ILDR2: variants seen among roughly 807,000 people sequenced by gnomAD.
The protein encoded by ILDR2 is immunoglobulin-like domain-containing receptor 2.
Under a neutral mutation model 66.8 loss-of-function variants are expected in ILDR2, and 25 were observed. The ratio of observed to expected loss-of-function variants is 0.37; its 90% CI spans 0.27 to 0.52. ILDR2 has a LOEUF of 0.52. Among genes scored for constraint, ILDR2 ranks in the 20% least tolerant of loss-of-function variants. ILDR2 has a pLI of 0.88. For missense variants in ILDR2, 827 were observed against 876.8 expected, an observed-to-expected ratio of 0.94 and a Z score of 0.72; for synonymous variants, 367 against 357.2, an observed-to-expected ratio of 1.03 and a Z score of -0.31.
intron 3 of ILDR2, among the ~76,000 whole-genome samples, chr1:166,940,821 AT>A (rs2101919195): frequency 6.6e-6 from 1 of 152,280 alleles, no homozygotes; most frequent in Admixed American, 6.5e-5. Flanking sequence ...CAATTCCTTC[AT>A]GTTAAAGTTT....
rs376852611 is a variant in ILDR2, at chr1:166,932,512, A to G, written c.880+2789T>C. Among the ~76,000 whole-genome samples, 5 of 152,324 alleles carry G rather than the reference A, an allele frequency of 3.3e-5. No individual in the cohort carries two copies. The East Asian group carries it at 7.7e-4, about 23-fold the overall frequency. On this transcript the variant is annotated intron_variant, in intron 6 of 9. Coordinates refer to ENST00000271417, the MANE Select transcript of ILDR2 (RefSeq NM_199351.3). ...GAAGGAGTCACTAAAGATGAAAAGA[A>G]TGGAGATGTGAGGTGGGAACAGGGC...
Position 166,926,748 on chromosome 1 carries a change from G to C in ILDR2, c.994+319C>G, listed in dbSNP as rs368410120. Among the ~76,000 whole-genome samples, 10 of 151,848 alleles carry C rather than the reference G, an allele frequency of 6.6e-5. No individual in the cohort carries two copies. The South Asian group carries it at 2.1e-3, about 32-fold the overall frequency. On this transcript the variant is annotated intron_variant, in intron 7 of 9. Coordinates refer to ENST00000271417, the MANE Select transcript of ILDR2 (RefSeq NM_199351.3). ...AAAGAAAGTTGGTTCTTTATTCAAA[G>C]AAAGTTTGAATAAAATATATTCAAA...
rs1176777255 is a variant in ILDR2 at position 166,920,707 on chromosome 1, G to T, written c.1884C>A (p.Thr628=). 3.6e-6 allele frequency: 5 copies of T among 1,407,392 alleles called. No homozygotes were observed. Among genetic ancestry groups the T allele is most frequent in the Admixed American group, 6.1e-5 (2 of 33,008 alleles). The allele number at this position is 1,407,392 out of a possible 1,614,324, so 87.2% of individuals were successfully genotyped here. A position where few individuals can be genotyped will look rare whatever the true frequency, so the allele number is the denominator to read the frequency against. The change falls in exon 9 of 10, where the codon ACC becomes ACA. Residue 628 remains threonine, a splice_region_variant and synonymous_variant. Coordinates refer to ENST00000271417, the MANE Select transcript of ILDR2 (RefSeq NM_199351.3). ...GGAGGGGAGGCAGACGCAGTCTCAC[G>T]GTTTTCTTGGCGGGCTCCTTTTTCC... ...KKRKKEPAKK[T]NDFPTRMSLV...
chr1:166,946,710 A>G (rs1661633755), intron 3 of ILDR2, among the ~76,000 whole-genome samples: 1 of 152,108 alleles, frequency 6.6e-6, no homozygotes, highest in Non-Finnish European at 1.5e-5. Flanking sequence ...AACCAGGTGT[A>G]CTCACCCCAA....
Position 166,920,714 on chromosome 1 carries a change from T to A in ILDR2, c.1877A>T (p.Lys626Met), listed in dbSNP as rs765703610. ...SEKKRKKEPA[K>M]KTNDFPTRMS... ...AGGCAGACGCAGTCTCACGGTTTTC[T>A]TGGCGGGCTCCTTTTTCCTCTTCTT... Residue 626 changes from lysine (K) to methionine (M), a missense_variant, in exon 9 of 10, where the codon AAG becomes ATG. By Grantham distance (95) the Lys-to-Met change is moderately conservative (BLOSUM62 -1). This residue lies in a region of ILDR2 where 390 missense variants were observed against 353.6 expected (regional missense o/e 1.10). Coordinates refer to ENST00000271417, the MANE Select transcript of ILDR2 (RefSeq NM_199351.3). 24 of 1,416,366 alleles carry A rather than the reference T, an allele frequency of 1.7e-5. No homozygotes were observed. Among genetic ancestry groups the A allele is most frequent in the Middle Eastern group, 3.7e-4 (2 of 5,376 alleles). 87.7% of individuals were successfully genotyped at this position (1,416,366 alleles called of 1,614,324 possible).
intron 3 of ILDR2, among the ~76,000 whole-genome samples, chr1:166,950,641 C>A (rs1400329012): frequency 6.6e-6 from 1 of 151,732 alleles, no homozygotes; most frequent in African/African-American, 2.4e-5. Context: ...TACTATATGG[C>A]TTTTTAATAC....
chr1:166,966,741 G>A (rs79364317), intron 1 of ILDR2, among the ~76,000 whole-genome samples: 1,950 of 152,278 alleles, frequency 0.013, 19 homozygotes, highest in Non-Finnish European at 0.019. Flanking sequence ...ATGGGACAAA[G>A]CAGTGCTAAA....
At chr1:166,965,541 T>C (rs1662889158) in intron 1 of ILDR2, among the ~76,000 whole-genome samples, 1 of 151,706 alleles carries the variant, frequency 6.6e-6, no homozygotes, top group South Asian at 2.1e-4. Context: ...TGTACAAATC[T>C]TTCTTTGCCT....
In ILDR2 at chr1:166,920,853, G is replaced by GCGA; in HGVS notation, c.1735_1737dup (p.Ser579dup). On this transcript the variant is annotated inframe_insertion, in exon 9 of 10. Transcript: ENST00000271417. Reference sequence around the variant, plus strand: ...TCGGACGCGTCCTCCTGGTCGTCCTGCGACGAGCCGGCCTTGTAGGTGCCG... The same window carrying GCGA: ...TCGGACGCGTCCTCCTGGTCGTCCTGCGACGACGAGCCGGCCTTGTAGGTGCCG... The GCGA allele has an allele frequency of 6.6e-7, 1 of 1,509,430 alleles. No individual in the cohort carries two copies. The highest frequency in any genetic ancestry group is 8.8e-7 in the Non-Finnish European group (1 of 1,133,112). The allele number at this position is 1,509,430 out of a possible 1,614,324, so 93.5% of individuals were successfully genotyped here.
chr1:166,921,688 G>T lies in ILDR2; in HGVS notation c.1212-309C>A, dbSNP rs72707813. 0.015 allele frequency among the ~76,000 whole-genome samples: 2,209 copies of T among 152,300 alleles called. 20 individuals carry two copies. The highest frequency in any genetic ancestry group is 0.025 in the African/African-American group (1,019 of 41,574). ...CTTCTGGTCATTATGTTGTGACCTC[G>T]GGTTGACAGCCACACGTCTCCACCC... is the stretch of plus-strand genomic sequence containing the variant. On this transcript the variant is annotated intron_variant, in intron 8 of 9. Transcript: ENST00000271417. The surrounding 1 kb of genome is among the most constrained non-coding windows in gnomAD (Gnocchi z 5.3).
chr1:166,927,622 C>T (rs1365176049), intron 6 of ILDR2, among the ~76,000 whole-genome samples: 1 of 152,236 alleles, frequency 6.6e-6, no homozygotes, highest in Admixed American at 6.5e-5. Flanking sequence ...CTTACAGATA[C>T]TCAAACATCA....
intron 7 of ILDR2, among the ~76,000 whole-genome samples, chr1:166,923,085 G>A (rs538396089): frequency 6.6e-6 from 1 of 152,316 alleles, no homozygotes; most frequent in Non-Finnish European, 1.5e-5. Flanking sequence ...CCTAAGGCAG[G>A]CTTTCCAGAA....
In ILDR2 at chr1:166,919,858, G is replaced by T. The variant is rs187333567; in HGVS notation, c.1885-468C>A. On this transcript the variant is annotated intron_variant, in intron 9 of 9. Transcript: ENST00000271417. Reference sequence around the variant, plus strand: ...AAACACTAAAGAAAACGTCCAGCTTGGATTCATAAAAAACGGAATGGTGGG... The same window carrying T: ...AAACACTAAAGAAAACGTCCAGCTTTGATTCATAAAAAACGGAATGGTGGG... Among the ~76,000 whole-genome samples the T allele has an allele frequency of 6.6e-5, 10 of 152,294 alleles. No individual in the cohort carries two copies. In the East Asian group the frequency reaches 1.5e-3, roughly 23 times the overall value.
At chr1:166,960,635 C>A (rs935357725) in intron 1 of ILDR2, among the ~76,000 whole-genome samples, 1 of 152,134 alleles carries the variant, frequency 6.6e-6, no homozygotes, top group Non-Finnish European at 1.5e-5. Context: ...TTTCCCCTCA[C>A]CTCCCATCCT....
intron 3 of ILDR2, chr1:166,943,879 A>G: frequency 3.1e-6 from 3 of 980,850 alleles, no homozygotes; most frequent in Non-Finnish European, 3.6e-6. Flanking sequence ...CTGCAAATAG[A>G]AGGCCACATT....
At chr1:166,965,580 TTG>T (rs1491065842) in intron 1 of ILDR2, among the ~76,000 whole-genome samples, 46 of 148,402 alleles carry the variant, frequency 3.1e-4, no homozygotes, top group African/African-American at 1.1e-3. Context: ...GTTTTTTTTT[TTG>T]TTTTTTTTTT....
In ILDR2 at chr1:166,918,851, T is replaced by G. The variant is rs2101843831; in HGVS notation, c.*504A>C. The G allele has an allele frequency of 6.0e-6, 1 of 166,204 alleles. No homozygotes were observed. Among genetic ancestry groups the G allele is most frequent in the South Asian group, 2.0e-4 (1 of 4,972 alleles). 10.3% of individuals were successfully genotyped at this position (166,204 alleles called of 1,614,324 possible). ...TAGTGTAACAACAGTCATTGACTAG[T>G]GACTGTAAAGTGATGGGGATAAAAG... On this transcript the variant is annotated 3_prime_UTR_variant, in exon 10 of 10. Transcript: ENST00000271417.
At chr1:166,968,625 G>T (rs149056504) in intron 1 of ILDR2, among the ~76,000 whole-genome samples, 1 of 152,018 alleles carries the variant, frequency 6.6e-6, no homozygotes, top group Admixed American at 6.6e-5. Context: ...TACTTACCCC[G>T]TAGACTTAAG....
rs759667365 is a variant in ILDR2, at chr1:166,935,288, G to T, written c.880+13C>A. ...AGACAAGCATGGGCAGGGCAGTCTG[G>T]AACTACATTTACCACTGTGGCTTCC... On this transcript the variant is annotated intron_variant, in intron 6 of 9. Coordinates refer to ENST00000271417, the MANE Select transcript of ILDR2 (RefSeq NM_199351.3). 1 of 1,614,058 alleles carries T rather than the reference G, an allele frequency of 6.2e-7. No individual in the cohort carries two copies. Among genetic ancestry groups the T allele is most frequent in the Non-Finnish European group, 8.5e-7 (1 of 1,179,948 alleles).
Sources: gnomAD v4.1 joint callset for allele counts (sites outside exome capture counted in the v4.1 genomes callset) on GRCh38, gnomAD v4.1.1 for gene constraint, gnomAD v4.1.1 regional missense constraint, Gnocchi (gnomAD v3.1) non-coding constraint, MANE v1.5 for transcripts, NCBI Gene and HGNC (gene_info 2026-07-23, HGNC 2026-07-21) for gene names.